Variants in CFAP61 observed in about 807,000 individuals in gnomAD.
CFAP61 encodes the protein cilia- and flagella-associated protein 61.
In CFAP61, 107 loss-of-function variants were observed where a neutral mutation model predicts 135.6. That is an observed-to-expected ratio of 0.79 (90% CI 0.67 to 0.93). The LOEUF is 0.93. CFAP61 is among the 40% of genes least tolerant of loss of function. The pLI is 0.00. For synonymous variants in CFAP61, 575 were observed against 578.5 expected (o/e 0.99, Z 0.09); for missense variants, 1,507 against 1,556.2 (o/e 0.97, Z 0.53).
chr20:20,232,355 T>TA (rs1041969063), intron 18 of CFAP61, among the ~76,000 whole-genome samples: 3 of 151,834 alleles, frequency 2.0e-5, no homozygotes, highest in Admixed American at 6.6e-5. Flanking sequence ...CCTTTTTTTT[T>TA]AATTATATAA....
chr20:20,252,713 T>C lies in CFAP61; in HGVS notation c.2328+950T>C, dbSNP rs368466159. 9.2e-5 allele frequency among the ~76,000 whole-genome samples: 14 copies of C among 152,226 alleles called. No individual in the cohort carries two copies. In the East Asian group the frequency reaches 1.9e-3, roughly 21 times the overall value. ...ATAGTTGTGGGATTCGATGCGAGCC[T>C]GTGTATGACAGTTTTCCTTCACGTC... is the stretch of plus-strand genomic sequence containing the variant. On this transcript the variant is annotated intron_variant, in intron 20 of 26. Transcript: ENST00000245957.
chr20:20,117,489 C>T (rs952870004), intron 8 of CFAP61, among the ~76,000 whole-genome samples: 29 of 152,148 alleles, frequency 1.9e-4, no homozygotes, highest in Non-Finnish European at 7.4e-5. Context: ...TGGTTACTAT[C>T]TCTTTGTAGT....
intron 13 of CFAP61, among the ~76,000 whole-genome samples, chr20:20,176,118 T>A (rs1404788645): frequency 1.9e-5 from 2 of 107,694 alleles, no homozygotes; most frequent in African/African-American, 7.6e-5. Context: ...AAATCACTGA[T>A]CATTAGTGAA....
chr20:20,264,178 A>G (rs953305053), intron 21 of CFAP61, among the ~76,000 whole-genome samples: 1 of 152,164 alleles, frequency 6.6e-6, no homozygotes, highest in African/African-American at 2.4e-5. Context: ...TGCTGATACT[A>G]TTTATAGGCT....
rs554622326 is a variant in CFAP61, at chr20:20,234,282, C to A, written c.2060+5906C>A. On this transcript the variant is annotated intron_variant, in intron 18 of 26. Coordinates refer to ENST00000245957, the MANE Select transcript of CFAP61 (RefSeq NM_015585.4). ...GGGCAGAGAGAGGCAGACAGGAGAC[C>A]CCTTGCAGGTGAGCAGGTGGGTCAG... Among the ~76,000 whole-genome samples, 11 of 152,204 alleles carry A rather than the reference C, an allele frequency of 7.2e-5. No homozygotes were observed. The South Asian group carries it at 2.3e-3, about 32-fold the overall frequency.
rs1472296292 is a variant in CFAP61 at position 20,298,207 on chromosome 20, G to A, written c.3243G>A (p.Ala1081=). Reference sequence around the variant, plus strand: ...GTTTAGAACTAGTAACCGGCAGTGCGAAAAATGGGACTTACTTCCGAATTC... The same window carrying A: ...GTTTAGAACTAGTAACCGGCAGTGCAAAAAATGGGACTTACTTCCGAATTC... ...NYGLELVTGS[A]KNGTYFRIHI... The change falls in exon 25 of 27, where the codon GCG becomes GCA. Residue 1081 remains alanine (A), a synonymous_variant. Transcript: ENST00000245957. 7 of 1,613,824 alleles carry A rather than the reference G, an allele frequency of 4.3e-6. No homozygotes were observed. Among genetic ancestry groups the A allele is most frequent in the East Asian group, 4.5e-5 (2 of 44,890 alleles).
rs10523115 is a variant in CFAP61 at position 20,106,000 on chromosome 20, C to CTATA, written c.859+7233_859+7236dup. 3.7e-3 allele frequency among the ~76,000 whole-genome samples: 379 copies of CTATA among 102,306 alleles called. 1 individual carries two copies. The highest frequency in any genetic ancestry group is 5.0e-3 in the Non-Finnish European group (262 of 52,798). 67.1% of individuals were successfully genotyped at this position (102,306 alleles called of 152,430 possible). A position where few individuals can be genotyped will look rare whatever the true frequency, so the allele number is the denominator to read the frequency against. ...CTTCGAAAGCTTTAGCTACTCTTGC[C>CTATA]TATATATATATATATATATATATAT... On this transcript the variant is annotated intron_variant, in intron 8 of 26. Coordinates refer to ENST00000245957, the MANE Select transcript of CFAP61 (RefSeq NM_015585.4).
Position 20,133,175 on chromosome 20 carries a change from C to T in CFAP61, c.860-9682C>T, listed in dbSNP as rs1034904072. 3.3e-5 allele frequency among the ~76,000 whole-genome samples: 5 copies of T among 152,196 alleles called. 1 individual carries two copies. Among genetic ancestry groups the T allele is most frequent in the Non-Finnish European group, 5.9e-5 (4 of 68,040 alleles). On this transcript the variant is annotated intron_variant, in intron 8 of 26. Transcript: ENST00000245957. ...TTGTTGATTCTATTACTTCTTGCAACTGCGTCAATAATCCGTTGCCACAAT... is the reference window on the plus strand; with the variant it reads ...TTGTTGATTCTATTACTTCTTGCAATTGCGTCAATAATCCGTTGCCACAAT...
chr20:20,244,761 T>C (rs1447590110), intron 18 of CFAP61, among the ~76,000 whole-genome samples: 2 of 152,250 alleles, frequency 1.3e-5, no homozygotes, highest in African/African-American at 4.8e-5. Flanking sequence ...TCTTTTCTAT[T>C]GCATTGTCAA....
intron 13 of CFAP61, among the ~76,000 whole-genome samples, chr20:20,185,441 A>G (rs960096072): frequency 2.0e-5 from 3 of 152,186 alleles, no homozygotes; most frequent in Non-Finnish European, 4.4e-5. Context: ...CCATTCTTAG[A>G]TGCATTTTGA....
chr20:20,218,962 T>C (rs2048219103), intron 17 of CFAP61, among the ~76,000 whole-genome samples: 1 of 152,060 alleles, frequency 6.6e-6, no homozygotes, highest in South Asian at 2.1e-4. Flanking sequence ...CCAGATGGAG[T>C]CACTTGTGCT....
At chr20:20,098,927 T>C in intron 8 of CFAP61, 113 bp downstream of exon 8, 1 of 975,702 alleles carries the variant, frequency 1.0e-6, no homozygotes, top group Non-Finnish European at 1.5e-6. Context: ...CCTTCCCCAG[T>C]TCCCCTTAAG....
intron 25 of CFAP61, among the ~76,000 whole-genome samples, chr20:20,305,759 C>T (rs546560983): frequency 6.6e-6 from 1 of 152,172 alleles, no homozygotes; most frequent in South Asian, 2.1e-4. Flanking sequence ...CTTTTGCTTC[C>T]CACTCATTCA....
intron 13 of CFAP61, among the ~76,000 whole-genome samples, chr20:20,174,411 C>T (rs1214619554): frequency 6.6e-6 from 1 of 152,240 alleles, no homozygotes; most frequent in Non-Finnish European, 1.5e-5. Context: ...AACCCACATG[C>T]TTATCACCAT....
chr20:20,132,264 A>G (rs1004845039), intron 8 of CFAP61, among the ~76,000 whole-genome samples: 1 of 152,090 alleles, frequency 6.6e-6, no homozygotes, highest in Non-Finnish European at 1.5e-5. Flanking sequence ...CCTTCCTTTT[A>G]AAAGCTGAAT....
chr20:20,191,527 C>A, intron 15 of CFAP61, 108 bp downstream of exon 15: 3 of 653,674 alleles, frequency 4.6e-6, no homozygotes, highest in South Asian at 2.4e-5. Flanking sequence ...AATGTGAATG[C>A]CTCCTTTTTC....
chr20:20,347,846 T>C (rs2058687129), intron 26 of CFAP61, among the ~76,000 whole-genome samples: 1 of 150,896 alleles, frequency 6.6e-6, no homozygotes, highest in Non-Finnish European at 1.5e-5. Flanking sequence ...GGCAGGAGAA[T>C]TGCTTGAACC....
intron 7 of CFAP61, among the ~76,000 whole-genome samples, chr20:20,097,854 A>G (rs2047695062): frequency 6.6e-6 from 1 of 152,204 alleles, no homozygotes; most frequent in African/African-American, 2.4e-5. Flanking sequence ...TGACTTCAAG[A>G]CAAATTGAAG....
At chr20:20,345,258 T>G (rs1368129502) in intron 26 of CFAP61, among the ~76,000 whole-genome samples, 1 of 152,176 alleles carries the variant, frequency 6.6e-6, no homozygotes, top group Non-Finnish European at 1.5e-5. Context: ...AGAGTGGAAT[T>G]GGAATATTTC....
Sources: gnomAD v4.1 joint callset for allele counts (sites outside exome capture counted in the v4.1 genomes callset) on GRCh38, gnomAD v4.1.1 for gene constraint, MANE v1.5 for transcripts, NCBI Gene and HGNC (gene_info 2026-07-23, HGNC 2026-07-21) for gene names.